The following CTNND2 variants were observed in gnomAD, a reference collection of about 807,000 sequenced individuals.
CTNND2 encodes catenin delta-2.
Under a neutral mutation model 144.4 loss-of-function variants are expected in CTNND2, and 22 were observed. The ratio of observed to expected loss-of-function variants is 0.15; its 90% confidence interval spans 0.11 to 0.22. CTNND2 has a LOEUF of 0.22. Among genes scored for constraint, CTNND2 ranks in the 10% least tolerant of loss-of-function variants. The probability of loss-of-function intolerance (pLI) is 1.00; values close to 1 mark genes in which losing one functional copy is unlikely to be tolerated. For missense variants in CTNND2, 1,353 were observed against 1,618.8 expected, an observed-to-expected ratio of 0.84 and a Z score of 2.82; for synonymous variants, 751 against 695.6, an observed-to-expected ratio of 1.08 and a Z score of -1.25.
chr5:10,975,493 C>G (rs1421696036), intron 21 of CTNND2, among the ~76,000 whole-genome samples: 1 of 152,156 alleles, frequency 6.6e-6, no homozygotes, highest in African/African-American at 2.4e-5. Context: ...AAGCAAACTC[C>G]CACCTTATAG....
chr5:11,365,823 C>T (rs773498262), intron 7 of CTNND2, among the ~76,000 whole-genome samples: 6 of 152,124 alleles, frequency 3.9e-5, no homozygotes, highest in Non-Finnish European at 8.8e-5. Context: ...GGAGCAGAAA[C>T]GTCACGAAAA....
intron 2 of CTNND2, among the ~76,000 whole-genome samples, chr5:11,722,349 T>A (rs1368493473): frequency 6.6e-6 from 1 of 152,196 alleles, no homozygotes; most frequent in Admixed American, 6.5e-5. Context: ...AAGACTGAAA[T>A]TAATGGTTAC....
chr5:11,245,239 A>G (rs1742874164), intron 9 of CTNND2, among the ~76,000 whole-genome samples: 1 of 152,168 alleles, frequency 6.6e-6, no homozygotes, highest in Non-Finnish European at 1.5e-5. Context: ...TATATTTGTG[A>G]TAAAGACTCT....
At chr5:11,012,082 T>C (rs1015727887) in intron 18 of CTNND2, among the ~76,000 whole-genome samples, 12 of 152,194 alleles carry the variant, frequency 7.9e-5, no homozygotes, top group Non-Finnish European at 4.4e-5. Context: ...TCAAACAGCT[T>C]GGAAAAGGGT....
intron 1 of CTNND2, among the ~76,000 whole-genome samples, chr5:11,803,976 A>G (rs1010126944): frequency 6.6e-6 from 1 of 152,092 alleles, no homozygotes; most frequent in Non-Finnish European, 1.5e-5. Flanking sequence ...TAAAAATCTT[A>G]CCAAATTTTA....
At chr5:11,332,317 G>A (rs1753249469) in intron 9 of CTNND2, among the ~76,000 whole-genome samples, 1 of 151,328 alleles carries the variant, frequency 6.6e-6, no homozygotes, top group African/African-American at 2.4e-5. Flanking sequence ...CTTCCTACAT[G>A]GTAGTGGGAG....
chr5:11,280,121 T>C (rs1029486668), intron 9 of CTNND2, among the ~76,000 whole-genome samples: 1 of 152,164 alleles, frequency 6.6e-6, no homozygotes, highest in Non-Finnish European at 1.5e-5. Context: ...AGGTCTTAAA[T>C]TGTGTAATTT....
chr5:11,436,556 A>T (rs1265327889), intron 3 of CTNND2, among the ~76,000 whole-genome samples: 3 of 152,212 alleles, frequency 2.0e-5, no homozygotes, highest in African/African-American at 7.2e-5. Context: ...GAATTCCGCA[A>T]ACTGCCATGG....
intron 1 of CTNND2, among the ~76,000 whole-genome samples, chr5:11,820,745 A>G (rs1237663105): frequency 6.6e-6 from 1 of 152,154 alleles, no homozygotes; most frequent in African/African-American, 2.4e-5. Flanking sequence ...TTCTTGCTCT[A>G]TGTCTGTTGA....
chr5:11,219,880 A>T (rs893125302), intron 10 of CTNND2, among the ~76,000 whole-genome samples: 1 of 152,154 alleles, frequency 6.6e-6, no homozygotes, highest in African/African-American at 2.4e-5. Context: ...CTGTGGTCCA[A>T]TTTCAGTATC....
At chr5:11,430,915 G>A (rs183562714) in intron 3 of CTNND2, among the ~76,000 whole-genome samples, 7 of 152,210 alleles carry the variant, frequency 4.6e-5, no homozygotes, top group East Asian at 1.9e-4. Context: ...AGATTCAATC[G>A]AGAACCCATC....
intron 9 of CTNND2, among the ~76,000 whole-genome samples, chr5:11,339,508 C>T (rs1043192642): frequency 2.6e-4 from 39 of 152,160 alleles, no homozygotes; most frequent in African/African-American, 9.2e-4. Context: ...GACTTCCAGC[C>T]TCCAGAACTG....
chr5:11,612,564 A>G (rs1332877485), intron 2 of CTNND2, among the ~76,000 whole-genome samples: 1 of 152,208 alleles, frequency 6.6e-6, no homozygotes, highest in Non-Finnish European at 1.5e-5. Flanking sequence ...CAGCATTAAA[A>G]AGGTATATTG....
chr5:11,737,519 G>A (rs536035926), intron 1 of CTNND2, among the ~76,000 whole-genome samples: 2 of 152,314 alleles, frequency 1.3e-5, no homozygotes, highest in South Asian at 4.1e-4. Context: ...GGTTCTTCTA[G>A]CAGAACTTGG....
rs913383338 is a variant in CTNND2 at position 11,891,439 on chromosome 5, T to C, written c.37+12378A>G. ...TGGTTTCATCCTGTGGTCTCTGTTA[T>C]AGATTGAATGTTTGCGTCTTCTCCT... On this transcript the variant is annotated intron_variant, in intron 1 of 21. Transcript: ENST00000304623. Among the ~76,000 whole-genome samples the C allele has an allele frequency of 5.9e-5, 9 of 152,294 alleles. No individual in the cohort carries two copies. The East Asian group carries it at 1.2e-3, about 20-fold the overall frequency.
intron 11 of CTNND2, among the ~76,000 whole-genome samples, chr5:11,175,999 T>C (rs759716775): frequency 6.6e-6 from 1 of 152,192 alleles, no homozygotes; most frequent in African/African-American, 2.4e-5. Flanking sequence ...TGGTTGCATG[T>C]TGTTTTTTGA....
intron 1 of CTNND2, among the ~76,000 whole-genome samples, chr5:11,746,393 G>C (rs575939063): frequency 6.6e-6 from 1 of 151,824 alleles, no homozygotes; most frequent in Non-Finnish European, 1.5e-5. Flanking sequence ...ATCACTTCAC[G>C]TCCTCTTTAC....
chr5:11,411,957 A>C, intron 4 of CTNND2, 78 bp downstream of exon 4: 1 of 1,152,508 alleles, frequency 8.7e-7, no homozygotes, highest in Admixed American at 1.8e-5. Context: ...TCTAAGTCTC[A>C]TTCTAAAGTT....
rs150848180 is a variant in CTNND2 at position 11,555,563 on chromosome 5, G to A, written c.287+9381C>T. Among the ~76,000 whole-genome samples, 176 of 152,248 alleles carry A rather than the reference G, an allele frequency of 1.2e-3. 1 individual carries two copies. The highest frequency in any genetic ancestry group is 2.6e-3 in the Admixed American group (40 of 15,274). Reference sequence around the variant, plus strand: ...TGACCAGAAATTTGATGGTGCTTGGGAAGCATGGAGATGAATCTTGAGGAC... The same window carrying A: ...TGACCAGAAATTTGATGGTGCTTGGAAAGCATGGAGATGAATCTTGAGGAC... On this transcript the variant is annotated intron_variant, in intron 3 of 21. Coordinates refer to ENST00000304623, the MANE Select transcript of CTNND2 (RefSeq NM_001332.4).
Sources: allele counts gnomAD v4.1 joint callset (sites outside exome capture counted in the v4.1 genomes callset), GRCh38; gene constraint gnomAD v4.1.1; transcripts MANE v1.5; gene names NCBI Gene and HGNC (gene_info 2026-07-23, HGNC 2026-07-21).